Variants in GHR observed in about 807,000 individuals in gnomAD.
GHR encodes the protein growth hormone receptor, also known as GH receptor.
GHR carries 35 observed loss-of-function variants against 67.1 expected under a neutral mutation model. That is an observed-to-expected ratio of 0.52 (90% confidence interval 0.40 to 0.69). GHR has a LOEUF of 0.69. Ranked by LOEUF, GHR falls within the 30% of genes least tolerant of loss-of-function variation. The probability of loss-of-function intolerance (pLI) is 0.00; values close to 1 mark genes in which losing one functional copy is unlikely to be tolerated. For synonymous variants in GHR, 272 were observed against 269.1 expected, an observed-to-expected ratio of 1.01 and a Z score of -0.10; for missense variants, 792 against 764.6, an observed-to-expected ratio of 1.04 and a Z score of -0.42.
chr5:42,429,777 TAAAC>T (rs1743010626), intron 1 of GHR, among the ~76,000 whole-genome samples: 2 of 152,338 alleles, frequency 1.3e-5, no homozygotes, highest in African/African-American at 4.8e-5. Flanking sequence ...GTTCCAAAGA[TAAAC>T]AAGTTGAAAC....
chr5:42,682,188 A>T (rs923208219), intron 3 of GHR, among the ~76,000 whole-genome samples: 1 of 152,120 alleles, frequency 6.6e-6, no homozygotes. Context: ...CAAACACCAC[A>T]TGTGTGTTCC....
At chr5:42,433,560 A>C (rs769132486) in intron 1 of GHR, among the ~76,000 whole-genome samples, 4 of 152,076 alleles carry the variant, frequency 2.6e-5, no homozygotes, top group African/African-American at 7.2e-5. Context: ...ATTAATGTAC[A>C]TTCATGGTGT....
At chr5:42,468,148 G>A in intron 1 of GHR, 5 of 1,294,114 alleles carry the variant, frequency 3.9e-6, no homozygotes, top group Non-Finnish European at 5.6e-6. Context: ...TTCCTCTTCT[G>A]ATCCATCAAG....
At chr5:42,636,552 G>A (rs1310229928) in intron 3 of GHR, among the ~76,000 whole-genome samples, 3 of 151,988 alleles carry the variant, frequency 2.0e-5, no homozygotes, top group Non-Finnish European at 4.4e-5. Flanking sequence ...CACTGCTCCC[G>A]AGAGAGCCCT....
intron 1 of GHR, among the ~76,000 whole-genome samples, chr5:42,427,193 C>G (rs1742890556): frequency 6.6e-6 from 1 of 152,200 alleles, no homozygotes; most frequent in Admixed American, 6.5e-5. Flanking sequence ...TGTACATTCT[C>G]ATTGTATTAG....
intron 3 of GHR, among the ~76,000 whole-genome samples, chr5:42,681,265 G>GA (rs70991425): frequency 0.82 from 118,045 of 144,780 alleles, 48,050 homozygotes; most frequent in East Asian, 0.99. Context: ...AAATTTACAA[G>GA]AAAAAAAAAA....
Position 42,629,499 on chromosome 5 carries a change from G to A in GHR, c.136+396G>A, listed in dbSNP as rs141947004. On this transcript the variant is annotated intron_variant, in intron 3 of 9. Transcript: ENST00000230882. Reference sequence around the variant, plus strand: ...TCTTGCTCCCACTCTCGCCCTGTGAGACACCTGCTCCGCTTCACCATGATT... The same window carrying A: ...TCTTGCTCCCACTCTCGCCCTGTGAAACACCTGCTCCGCTTCACCATGATT... 2.3e-5 allele frequency among the ~76,000 whole-genome samples: 3 copies of A among 131,518 alleles called. 1 individual carries two copies. The highest frequency in any genetic ancestry group is 2.0e-4 in the East Asian group (1 of 4,884). 86.3% of individuals were successfully genotyped at this position (131,518 alleles called of 152,430 possible). A position where few individuals can be genotyped will look rare whatever the true frequency, so the allele number is the denominator to read the frequency against.
At chr5:42,455,398 C>T (rs1460821526) in intron 1 of GHR, among the ~76,000 whole-genome samples, 3 of 152,094 alleles carry the variant, frequency 2.0e-5, no homozygotes, top group Non-Finnish European at 4.4e-5. Flanking sequence ...GTATGTTAGC[C>T]CTGCCTGCTA....
intron 1 of GHR, among the ~76,000 whole-genome samples, chr5:42,544,295 A>G (rs572257895): frequency 6.6e-6 from 1 of 152,310 alleles, no homozygotes; most frequent in South Asian, 2.1e-4. Flanking sequence ...ATTCAGCCTC[A>G]CTAATTCTCA....
chr5:42,611,407 C>T (rs926770524), intron 2 of GHR, among the ~76,000 whole-genome samples: 2 of 152,120 alleles, frequency 1.3e-5, no homozygotes, highest in African/African-American at 2.4e-5. Context: ...GAAATATTTG[C>T]TCCTTTCTAA....
intron 3 of GHR, among the ~76,000 whole-genome samples, chr5:42,670,088 T>C (rs1756197358): frequency 6.6e-6 from 1 of 152,112 alleles, no homozygotes; most frequent in Admixed American, 6.5e-5. Context: ...AAAAGAGCAA[T>C]GCTGGAAGCA....
At chr5:42,631,303 A>G (rs1468161284) in intron 3 of GHR, among the ~76,000 whole-genome samples, 1 of 152,184 alleles carries the variant, frequency 6.6e-6, no homozygotes, top group Non-Finnish European at 1.5e-5. Context: ...TCACATAGAT[A>G]CTGACTTCCC....
intron 1 of GHR, among the ~76,000 whole-genome samples, chr5:42,480,578 A>G (rs1188845877): frequency 4.1e-4 from 63 of 152,094 alleles, no homozygotes; most frequent in Non-Finnish European, 4.7e-4. Flanking sequence ...CTCCTGTATT[A>G]GGTGCATATA....
At chr5:42,713,168 A>T (rs994634148) in intron 7 of GHR, among the ~76,000 whole-genome samples, 1 of 152,150 alleles carries the variant, frequency 6.6e-6, no homozygotes, top group South Asian at 2.1e-4. Flanking sequence ...TTCATAAAAC[A>T]CACATTGATT....
At chr5:42,588,301 C>T (rs994094285) in intron 2 of GHR, among the ~76,000 whole-genome samples, 3 of 151,742 alleles carry the variant, frequency 2.0e-5, no homozygotes, top group South Asian at 2.1e-4. Context: ...GGGCAGATCA[C>T]GAGATCAGGA....
intron 6 of GHR, among the ~76,000 whole-genome samples, chr5:42,710,817 G>A (rs1451156175): frequency 6.6e-6 from 1 of 152,094 alleles, no homozygotes; most frequent in Non-Finnish European, 1.5e-5. Context: ...GTGAAAACAT[G>A]TTTGCTTTTC....
intron 2 of GHR, among the ~76,000 whole-genome samples, chr5:42,607,078 T>G (rs181460757): frequency 4.1e-4 from 63 of 152,258 alleles, no homozygotes; most frequent in African/African-American, 1.4e-3. Flanking sequence ...TAAAGGTGTT[T>G]GGCAGTTCCC....
intron 1 of GHR, among the ~76,000 whole-genome samples, chr5:42,522,059 C>T (rs999284545): frequency 2.0e-5 from 3 of 152,054 alleles, no homozygotes; most frequent in African/African-American, 7.2e-5. Flanking sequence ...TCTACAAAGT[C>T]CCTGAGCCAA....
At chr5:42,458,669 T>G (rs1744360446) in intron 1 of GHR, among the ~76,000 whole-genome samples, 1 of 152,196 alleles carries the variant, frequency 6.6e-6, no homozygotes, top group Non-Finnish European at 1.5e-5. Flanking sequence ...AAAGAGCTTC[T>G]GCACAGCAAA....
Sources: allele counts gnomAD v4.1 joint callset (sites outside exome capture counted in the v4.1 genomes callset), GRCh38; gene constraint gnomAD v4.1.1; transcripts MANE v1.5; gene names NCBI Gene and HGNC (gene_info 2026-07-23, HGNC 2026-07-21).